The following CCDC192 variants were observed in gnomAD, a reference collection of about 807,000 sequenced individuals.
CCDC192 encodes the protein coiled-coil domain-containing protein 192.
intron 2 of CCDC192, among the ~76,000 whole-genome samples, chr5:127,727,239 C>T (rs1325599508): frequency 1.3e-5 from 2 of 152,070 alleles, no homozygotes; most frequent in African/African-American, 2.4e-5. Context: ...TGGGAGGCCA[C>T]GAGGCAGACG....
chr5:127,752,068 C>T (rs1038397776), intron 2 of CCDC192, among the ~76,000 whole-genome samples: 2 of 152,096 alleles, frequency 1.3e-5, no homozygotes, highest in Admixed American at 1.3e-4. Flanking sequence ...GAACGTCCTC[C>T]CGTAGCTCAG....
intron 5 of CCDC192, among the ~76,000 whole-genome samples, chr5:127,843,029 G>GTTT (rs11428874): frequency 0.016 from 1,445 of 91,704 alleles, 6 homozygotes; most frequent in Non-Finnish European, 0.018. Context: ...TTTTAGTCAA[G>GTTT]TTTTTTTTTT....
intron 6 of CCDC192, among the ~76,000 whole-genome samples, chr5:127,879,974 A>C (rs909429909): frequency 1.7e-4 from 26 of 150,144 alleles, no homozygotes; most frequent in Non-Finnish European, 3.3e-4. Flanking sequence ...ATAGGAACAC[A>C]TTTACACTGT....
intron 6 of CCDC192, among the ~76,000 whole-genome samples, chr5:127,916,757 G>A (rs555055633): frequency 2.0e-4 from 31 of 152,340 alleles, no homozygotes; most frequent in African/African-American, 7.2e-4. Context: ...AATCTGATGT[G>A]CTGTTATTCA....
At chr5:127,870,545 G>A (rs1751807701) in intron 5 of CCDC192, among the ~76,000 whole-genome samples, 1 of 152,192 alleles carries the variant, frequency 6.6e-6, no homozygotes, top group Non-Finnish European at 1.5e-5. Flanking sequence ...CAAGGATTAG[G>A]TCCAGCTGAA....
intron 6 of CCDC192, among the ~76,000 whole-genome samples, chr5:127,896,725 C>T (rs1404633974): frequency 2.0e-5 from 3 of 152,160 alleles, no homozygotes; most frequent in Non-Finnish European, 4.4e-5. Flanking sequence ...GGATTACAGG[C>T]GTGAGCCACT....
intron 3 of CCDC192, chr5:127,786,035 G>T: frequency 1.6e-6 from 1 of 631,502 alleles, no homozygotes; most frequent in Non-Finnish European, 2.9e-6. Flanking sequence ...GTCTCCAGCA[G>T]TTTTTTCAAT....
chr5:127,889,278 A>G lies in CCDC192; in HGVS notation c.535+13617A>G, dbSNP rs73785720. 4.3e-3 allele frequency among the ~76,000 whole-genome samples: 650 copies of G among 152,290 alleles called. 7 individuals carry two copies. Among genetic ancestry groups the G allele is most frequent in the African/African-American group, 0.015 (619 of 41,558 alleles). The stretch of plus-strand genomic sequence containing the variant: ...GATCTACAAGTCTTCTGTTGCCTCA[A>G]TTATATCAGCTTTCCTTTTGGTTAA... On this transcript the variant is annotated intron_variant, in intron 6 of 6. Transcript: ENST00000514853.
chr5:127,878,112 T>C (rs560996027), intron 6 of CCDC192, among the ~76,000 whole-genome samples: 8 of 152,354 alleles, frequency 5.3e-5, no homozygotes, highest in Non-Finnish European at 1.0e-4. Context: ...CATTGAGACT[T>C]GATTCTCTCA....
At chr5:127,857,567 A>T (rs546992030) in intron 5 of CCDC192, 1 of 152,304 alleles carries the variant, frequency 6.6e-6, no homozygotes, top group South Asian at 2.1e-4. Flanking sequence ...TACATATTTT[A>T]TATATATGAG....
At chr5:127,703,349 G>A, upstream of CCDC192, 2 of 398,246 alleles carry the variant, frequency 5.0e-6, no homozygotes, top group Non-Finnish European at 8.9e-6. Flanking sequence ...TAGCAACAAG[G>A]GACAGCAGAG....
intron 3 of CCDC192, among the ~76,000 whole-genome samples, chr5:127,795,151 G>A (rs965465833): frequency 5.3e-5 from 8 of 152,108 alleles, no homozygotes; most frequent in South Asian, 4.2e-4. Flanking sequence ...TTAGCCAGGC[G>A]TGGTGGTGTG....
chr5:127,793,655 A>C (rs1757004954), intron 3 of CCDC192, among the ~76,000 whole-genome samples: 1 of 152,234 alleles, frequency 6.6e-6, no homozygotes, highest in African/African-American at 2.4e-5. Context: ...CAATGAAGAT[A>C]ACAAAAAATA....
chr5:127,772,451 AGT>A (rs1239711958), intron 3 of CCDC192, among the ~76,000 whole-genome samples: 2 of 144,876 alleles, frequency 1.4e-5, no homozygotes, highest in African/African-American at 5.2e-5. Context: ...TGGGTGACAG[AGT>A]GAGACTCTGT....
intron 6 of CCDC192, among the ~76,000 whole-genome samples, chr5:127,880,705 C>T (rs1752318120): frequency 6.6e-6 from 1 of 151,986 alleles, no homozygotes; most frequent in African/African-American, 2.4e-5. Context: ...ATAGGCCAGG[C>T]ACGGTGGCTC....
chr5:127,821,960 A>G (rs1313533571), intron 5 of CCDC192, among the ~76,000 whole-genome samples: 4 of 152,232 alleles, frequency 2.6e-5, no homozygotes, highest in African/African-American at 4.8e-5. Flanking sequence ...TCAAGGGACA[A>G]TAAAGGGAAG....
chr5:127,765,643 C>G (rs1233825127), intron 3 of CCDC192, among the ~76,000 whole-genome samples: 1 of 152,114 alleles, frequency 6.6e-6, no homozygotes, highest in Non-Finnish European at 1.5e-5. Flanking sequence ...GAATATGAAT[C>G]ATGTTGGAAA....
intron 6 of CCDC192, among the ~76,000 whole-genome samples, chr5:127,886,165 A>G (rs1284335430): frequency 6.6e-6 from 1 of 152,130 alleles, no homozygotes; most frequent in Non-Finnish European, 1.5e-5. Flanking sequence ...TTCCACTAAG[A>G]CCTGGAAGTC....
At chr5:127,847,650 C>T (rs1033006221) in intron 5 of CCDC192, among the ~76,000 whole-genome samples, 1 of 151,818 alleles carries the variant, frequency 6.6e-6, no homozygotes, top group Non-Finnish European at 1.5e-5. Flanking sequence ...TGGTGAAACT[C>T]CGTCTCTACT....
Sources: allele counts gnomAD v4.1 joint callset (sites outside exome capture counted in the v4.1 genomes callset), GRCh38; gene constraint gnomAD v4.1.1; transcripts MANE v1.5; gene names NCBI Gene and HGNC (gene_info 2026-07-23, HGNC 2026-07-21).